UBL4A: variants seen among roughly 807,000 people sequenced by gnomAD.
UBL4A encodes the protein ubiquitin like 4A, also known as ubiquitin-like protein 4A.
A neutral mutation model predicts 11.4 loss-of-function variants in UBL4A; 4 were observed. The observed-to-expected ratio is 0.35, with a 90% CI of 0.17 to 0.81. The LOEUF (loss-of-function observed/expected upper bound fraction) is 0.81, where lower values mean the gene tolerates loss of function less well. Among genes scored for constraint, UBL4A ranks in the 30% least tolerant of loss-of-function variants. The pLI, the probability that UBL4A is intolerant of heterozygous loss-of-function variation, is 0.52. For missense variants in UBL4A, 112 were observed against 124.9 expected, an observed-to-expected ratio of 0.90 and a Z score of 0.49; for synonymous variants, 72 against 61.2, an observed-to-expected ratio of 1.18 and a Z score of -0.83.
chrX:154,484,201 G>A lies in UBL4A; in HGVS notation c.*1338C>T, dbSNP rs1199584893. 6.2e-5 allele frequency: 7 copies of A among 113,165 alleles called. No individual in the cohort carries two copies. Among genetic ancestry groups the A allele is most frequent in the Admixed American group, 3.7e-4 (4 of 10,792 alleles). The allele number at this position is 113,165 out of a possible 1,213,427, so 9.3% of individuals were successfully genotyped here. On this transcript the variant is annotated 3_prime_UTR_variant, in exon 4 of 4. Coordinates refer to ENST00000369660, the MANE Select transcript of UBL4A (RefSeq NM_014235.5). ...ACATGCTCACGAGTGTGTCCCTGCCGTAGGTGGCTTTGAAGCCATATACAT... is the reference window on the plus strand; with the variant it reads ...ACATGCTCACGAGTGTGTCCCTGCCATAGGTGGCTTTGAAGCCATATACAT...
chrX:154,486,469 GCCGGTCCC>G, intron 1 of UBL4A, 60 bp downstream of exon 1: 3 of 1,002,781 alleles, frequency 3.0e-6, no homozygotes, highest in Non-Finnish European at 3.8e-6. Context: ...CCTCGGCCCT[GCCGGTCCC>G]CCTGCCAGGA....
At chrX:154,485,685 CA>C (rs2148264558) in intron 3 of UBL4A, 36 bp from the exon 4 acceptor site, 2 of 1,170,975 alleles carry the variant, frequency 1.7e-6, no homozygotes, top group East Asian at 6.0e-5. Flanking sequence ...CAGGGGCTGC[CA>C]GTGGTGGGGG....
rs782546866 is a variant in UBL4A at position 154,485,761 on chromosome X, C to T, written c.363+10G>A. The T allele has an allele frequency of 2.7e-5, 32 of 1,186,086 alleles. 1 individual carries two copies. The South Asian group carries it at 6.0e-4, about 22-fold the overall frequency. ...GGCCTGAAGAGGATGCCCAGGGTTA[C>T]CCTTCTCACCCTCTGTAGCTGTTCC... On this transcript the variant is annotated intron_variant, in intron 3 of 3. Coordinates refer to ENST00000369660, the MANE Select transcript of UBL4A (RefSeq NM_014235.5).
At position 154,485,605 on chromosome X, in the gene UBL4A, T is replaced by A; in HGVS notation, c.408A>T (p.Glu136Asp). 8.3e-7 allele frequency: 1 copy of A among 1,210,628 alleles called. No individual in the cohort carries two copies. Among genetic ancestry groups the A allele is most frequent in the East Asian group, 3.0e-5 (1 of 33,797 alleles). The change falls in exon 4 of 4, where the codon GAA becomes GAT. Residue 136 changes from glutamate to aspartate, a missense_variant. Physicochemically the swap from Glu to Asp is conservative, Grantham distance 45. Transcript: ENST00000369660. ...GGTGCAGGAAGCGGCTGGCCAACCGTTCGATGTCGTCCAGCGTCAGGCGAC... is the reference window on the plus strand; with the variant it reads ...GGTGCAGGAAGCGGCTGGCCAACCGATCGATGTCGTCCAGCGTCAGGCGAC... ...SLSRLTLDDI[E>D]RLASRFLHPE...
Position 154,486,594 on chromosome X carries a change from G to T in UBL4A, c.-10C>A. 2.2e-6 allele frequency: 2 copies of T among 911,837 alleles called. No individual in the cohort carries two copies. Among genetic ancestry groups the T allele is most frequent in the South Asian group, 8.1e-5 (2 of 24,611 alleles). 75.1% of individuals were successfully genotyped at this position (911,837 alleles called of 1,213,427 possible). A position where few individuals can be genotyped will look rare whatever the true frequency, so the allele number is the denominator to read the frequency against. ...TCACCGTCAGCTGCATGGCGGTCGC[G>T]ACGGCGTCCACTCGGGCCGGCGCGC... On this transcript the variant is annotated 5_prime_UTR_variant, in exon 1 of 4. Transcript: ENST00000369660.
At position 154,485,614 on chromosome X, in the gene UBL4A, G is replaced by A. The variant is rs781933473; in HGVS notation, c.399C>T (p.Asp133=). ...AGCGGCTGGCCAACCGTTCGATGTCGTCCAGCGTCAGGCGACTCAGGGACC... is the reference window on the plus strand; with the variant it reads ...AGCGGCTGGCCAACCGTTCGATGTCATCCAGCGTCAGGCGACTCAGGGACC... The part of the protein sequence containing the change: ...YERSLSRLTL[D]DIERLASRFL... The change falls in exon 4 of 4, where the codon GAC becomes GAT. Residue 133 remains aspartate (D), a synonymous_variant. Transcript: ENST00000369660. 1 of 1,210,539 alleles carries A rather than the reference G, an allele frequency of 8.3e-7. No homozygotes were observed. The highest frequency in any genetic ancestry group is 1.1e-6 in the Non-Finnish European group (1 of 895,131).
In UBL4A at chrX:154,485,807, C is replaced by T. The variant is rs993144880; in HGVS notation, c.327G>A (p.Ala109=). Residue 109 remains alanine (A), a synonymous_variant, in exon 3 of 4, where the codon GCG becomes GCA. Coordinates refer to ENST00000369660, the MANE Select transcript of UBL4A (RefSeq NM_014235.5). ...GTTCCAGGACCCTGCTGGCATCTGC[C>T]GCACTGAAGTGGCGGGCCAAGACTT... ...ISKVLARHFS[A]ADASRVLEQL... is the part of the protein sequence containing the mutation. The T allele has an allele frequency of 8.4e-7, 1 of 1,197,476 alleles. No homozygotes were observed. Among genetic ancestry groups the T allele is most frequent in the Non-Finnish European group, 1.1e-6 (1 of 888,556 alleles).
Position 154,483,926 on chromosome X carries a change from G to A in UBL4A, c.*1613C>T, listed in dbSNP as rs1385758003. The A allele has an allele frequency of 8.9e-6, 1 of 112,836 alleles. No homozygotes were observed. Among genetic ancestry groups the A allele is most frequent in the Non-Finnish European group, 1.9e-5 (1 of 53,321 alleles). 9.3% of individuals were successfully genotyped at this position (112,836 alleles called of 1,213,427 possible). A position where few individuals can be genotyped will look rare whatever the true frequency, so the allele number is the denominator to read the frequency against. ...CACTGGGTGAAATTGCTCACCTGCT[G>A]CCAATGCCAATACCACTGGACTTTT... On this transcript the variant is annotated 3_prime_UTR_variant, in exon 4 of 4. Coordinates refer to ENST00000369660, the MANE Select transcript of UBL4A (RefSeq NM_014235.5).
chrX:154,485,912 C>T lies in UBL4A; in HGVS notation c.222G>A (p.Leu74=), dbSNP rs149580851. The change falls in exon 3 of 4, where the codon CTG becomes CTA. Residue 74 remains leucine (L), a synonymous_variant. Transcript: ENST00000369660. The part of the protein sequence containing the change: ...NSKLNLVVKP[L]EKVLLEEGEA... ...CGCCTTCTTCTAGTAGCACCTTCTCCAGGGGTTTGACCACTAGGTTGAGCT... is the reference window on the plus strand; with the variant it reads ...CGCCTTCTTCTAGTAGCACCTTCTCTAGGGGTTTGACCACTAGGTTGAGCT... The T allele has an allele frequency of 6.1e-3, 7,322 of 1,209,497 alleles. 25 individuals carry two copies. Among genetic ancestry groups the T allele is most frequent in the Non-Finnish European group, 6.4e-3 (5,767 of 895,140 alleles).
chrX:154,486,122 C>G (rs781794358), intron 2 of UBL4A, 106 bp downstream of exon 2: 16 of 1,027,687 alleles, frequency 1.6e-5, no homozygotes, highest in African/African-American at 3.9e-5. Flanking sequence ...GGTCATGTGG[C>G]GCTTGGCGCC....
Position 154,484,912 on chromosome X carries a change from A to G in UBL4A, c.*627T>C. 8.0e-6 allele frequency: 1 copy of G among 125,268 alleles called. No homozygotes were observed. The highest frequency in any genetic ancestry group is 1.6e-5 in the Non-Finnish European group (1 of 61,069). The allele number at this position is 125,268 out of a possible 1,213,427, so 10.3% of individuals were successfully genotyped here. A position where few individuals can be genotyped will look rare whatever the true frequency, so the allele number is the denominator to read the frequency against. On this transcript the variant is annotated 3_prime_UTR_variant, in exon 4 of 4. Coordinates refer to ENST00000369660, the MANE Select transcript of UBL4A (RefSeq NM_014235.5). ...CCTGTGAGACAGAGGACACTGACTCAGGTCGGTGAGTGGCCCTCACTGTAT... is the reference window on the plus strand; with the variant it reads ...CCTGTGAGACAGAGGACACTGACTCGGGTCGGTGAGTGGCCCTCACTGTAT...
intron 2 of UBL4A, 25 bp from the exon 3 acceptor site, chrX:154,486,004 C>A: frequency 8.3e-7 from 1 of 1,200,353 alleles, no homozygotes. Flanking sequence ...TCGATGGGTT[C>A]CTCCTCCTCC....
intron 1 of UBL4A, 48 bp from the exon 2 acceptor site, chrX:154,486,381 G>A: frequency 9.3e-7 from 1 of 1,079,528 alleles, no homozygotes; most frequent in Middle Eastern, 2.6e-4. Context: ...GCGGCCCCCA[G>A]ACGGCGAAGC....
rs1002773458 is a variant in UBL4A, at chrX:154,485,241, G to A, written c.*298C>T. On this transcript the variant is annotated 3_prime_UTR_variant, in exon 4 of 4. Transcript: ENST00000369660. ...TCTCAGTGGGCTAAACATGACATGC[G>A]AGAGCCCAGCTCTCCAAGCGGCCCC... The A allele has an allele frequency of 4.5e-5, 21 of 465,185 alleles. No homozygotes were observed. Among genetic ancestry groups the A allele is most frequent in the Non-Finnish European group, 7.3e-5 (19 of 259,676 alleles). 38.3% of individuals were successfully genotyped at this position (465,185 alleles called of 1,213,427 possible). A position where few individuals can be genotyped will look rare whatever the true frequency, so the allele number is the denominator to read the frequency against.
chrX:154,485,840 C>A lies in UBL4A; in HGVS notation c.294G>T (p.Leu98=), dbSNP rs1557212721. The A allele has an allele frequency of 8.3e-7, 1 of 1,200,914 alleles. No homozygotes were observed. The highest frequency in any genetic ancestry group is 2.2e-5 in the Admixed American group (1 of 45,424). ...AGTGGCGGGCCAAGACTTTGGAGATCAGCTGCCAGACCTGCGGGGGTGGGG... is the reference window on the plus strand; with the variant it reads ...AGTGGCGGGCCAAGACTTTGGAGATAAGCTGCCAGACCTGCGGGGGTGGGG... ...ADSPPPQVWQ[L]ISKVLARHFS... is the part of the protein sequence containing the mutation. Residue 98 remains leucine (L), a synonymous_variant, in exon 3 of 4, where the codon CTG becomes CTT. Coordinates refer to ENST00000369660, the MANE Select transcript of UBL4A (RefSeq NM_014235.5).
At position 154,485,849 on chromosome X, in the gene UBL4A, G is replaced by A. The variant is rs1557212728; in HGVS notation, c.285C>T (p.Val95=). 1.7e-6 allele frequency: 2 copies of A among 1,206,299 alleles called. No individual in the cohort carries two copies. Among genetic ancestry groups the A allele is most frequent in the Non-Finnish European group, 2.2e-6 (2 of 892,754 alleles). The part of the protein sequence containing the change: ...QRLADSPPPQ[V]WQLISKVLAR... ...CCAAGACTTTGGAGATCAGCTGCCAGACCTGCGGGGGTGGGGAGTCGGCCA... is the reference window on the plus strand; with the variant it reads ...CCAAGACTTTGGAGATCAGCTGCCAAACCTGCGGGGGTGGGGAGTCGGCCA... Residue 95 remains valine (V), a synonymous_variant, in exon 3 of 4, where the codon GTC becomes GTT. Coordinates refer to ENST00000369660, the MANE Select transcript of UBL4A (RefSeq NM_014235.5).
At chrX:154,486,137 C>G in intron 2 of UBL4A, 91 bp downstream of exon 2, 1 of 1,059,404 alleles carries the variant, frequency 9.4e-7, no homozygotes, top group South Asian at 2.1e-5. Context: ...GGCGCCCGCA[C>G]CCCGACCCGA....
In UBL4A at chrX:154,485,808, G is replaced by A. The variant is rs782395991; in HGVS notation, c.326C>T (p.Ala109Val). 7 of 1,200,273 alleles carry A rather than the reference G, an allele frequency of 5.8e-6. No individual in the cohort carries two copies. Among genetic ancestry groups the A allele is most frequent in the South Asian group, 3.6e-5 (2 of 54,862 alleles). Residue 109 changes from alanine to valine, a missense_variant, in exon 3 of 4, where the codon GCG becomes GTG. Transcript: ENST00000369660. The part of the protein sequence containing the change: ...ISKVLARHFS[A>V]ADASRVLEQL... ...TTCCAGGACCCTGCTGGCATCTGCC[G>A]CACTGAAGTGGCGGGCCAAGACTTT...
At chrX:154,486,113 G>T in intron 2 of UBL4A, 115 bp downstream of exon 2, 6 of 1,025,637 alleles carry the variant, frequency 5.9e-6, no homozygotes, top group Non-Finnish European at 7.8e-6. Context: ...CTCCCTTGGG[G>T]TCATGTGGCG....
Sources: gnomAD v4.1 joint callset for allele counts on GRCh38, gnomAD v4.1.1 for gene constraint, MANE v1.5 for transcripts, NCBI Gene and HGNC (gene_info 2026-07-23, HGNC 2026-07-21) for gene names.